The following ADAM20 variants were observed in gnomAD, a reference collection of about 807,000 sequenced individuals.
ADAM20 encodes disintegrin and metalloproteinase domain-containing protein 20.
For synonymous variants in ADAM20, 305 were observed against 310.2 expected (o/e 0.98, Z 0.18); for missense variants, 871 against 883.2 (o/e 0.99, Z 0.18).
chr14:70,524,994 CA>C, intron 1 of ADAM20, 61 bp from the exon 2 acceptor site: 1 of 1,376,284 alleles, frequency 7.3e-7, no homozygotes, highest in Non-Finnish European at 9.9e-7. Flanking sequence ...AGAAAAAAGG[CA>C]AAGTGATTCC....
the ADAM20 span, among the ~76,000 whole-genome samples, chr14:70,569,315 AAAC>A: frequency 6.6e-6 from 1 of 152,228 alleles, no homozygotes; most frequent in African/African-American, 2.4e-5. Flanking sequence ...TGCTACCATA[AAAC>A]AACACATAAG....
Position 70,522,580 on chromosome 14 carries a change from T to C in ADAM20, c.2178A>G (p.Gly726=), listed in dbSNP as rs767490191. 9.4e-6 allele frequency: 15 copies of C among 1,593,358 alleles called. No homozygotes were observed. Among genetic ancestry groups the C allele is most frequent in the Non-Finnish European group, 1.3e-5 (15 of 1,170,336 alleles). ...CTCCTTCTTTTTCCCATTTCTCTTATCCTTCTTCATCTTCTTTACTTTTTG... is the reference window on the plus strand; with the variant it reads ...CTCCTTCTTTTTCCCATTTCTCTTACCCTTCTTCATCTTCTTTACTTTTTG... ...KRTKSKEDEE[G] The change falls in exon 2 of 2, where the codon GGA becomes GGG. Residue 726 remains glycine, a synonymous_variant. Coordinates refer to ENST00000256389, the MANE Select transcript of ADAM20 (RefSeq NM_003814.5).
the ADAM20 span, among the ~76,000 whole-genome samples, chr14:70,553,848 T>C: frequency 6.6e-6 from 1 of 151,866 alleles, no homozygotes; most frequent in South Asian, 2.1e-4. Context: ...GGGGAAAAAC[T>C]GAAAGCCTTT....
the ADAM20 span, among the ~76,000 whole-genome samples, chr14:70,562,441 T>C: frequency 6.6e-6 from 1 of 152,186 alleles, no homozygotes; most frequent in Non-Finnish European, 1.5e-5. Context: ...AATGCTGAAA[T>C]GAGTTAAAGC....
Position 70,524,782 on chromosome 14 carries a change from T to C in ADAM20, c.-25A>G, listed in dbSNP as rs1268292940. ...TTATGAAGCTGTCATTATGGAGCCA[T>C]CTGTCTAGAGCAGAAGAGAACAAGG... On this transcript the variant is annotated 5_prime_UTR_variant, in exon 2 of 2. It removes an upstream start codon present in the reference 5' UTR. Coordinates refer to ENST00000256389, the MANE Select transcript of ADAM20 (RefSeq NM_003814.5). 1 of 1,613,738 alleles carries C rather than the reference T, an allele frequency of 6.2e-7. No individual in the cohort carries two copies. Among genetic ancestry groups the C allele is most frequent in the African/African-American group, 1.3e-5 (1 of 75,008 alleles).
chr14:70,559,335 C>G, the ADAM20 span, among the ~76,000 whole-genome samples: 16,436 of 150,384 alleles, frequency 0.11, 1,332 homozygotes, highest in East Asian at 0.49. Flanking sequence ...TCATACCACA[C>G]AACCGATCTG....
At chr14:70,526,526 T>G (rs1276071353) in intron 1 of ADAM20, among the ~76,000 whole-genome samples, 6 of 152,102 alleles carry the variant, frequency 3.9e-5, no homozygotes. Flanking sequence ...TGGAAATGGG[T>G]GAATTGAGAG....
chr14:70,571,303 T>C, the ADAM20 span, among the ~76,000 whole-genome samples: 2 of 152,318 alleles, frequency 1.3e-5, no homozygotes, highest in Admixed American at 6.5e-5. Flanking sequence ...TAGGAGGTAA[T>C]TGAATCATGG....
At chr14:70,558,718 G>T in the ADAM20 span, among the ~76,000 whole-genome samples, 3 of 152,078 alleles carry the variant, frequency 2.0e-5, no homozygotes, top group Non-Finnish European at 4.4e-5. Flanking sequence ...AAAGTGGGGA[G>T]GCAGAATACA....
At chr14:70,543,390 T>C in the ADAM20 span, among the ~76,000 whole-genome samples, 1 of 152,238 alleles carries the variant, frequency 6.6e-6, no homozygotes, top group Non-Finnish European at 1.5e-5. Flanking sequence ...ATTATCCTCA[T>C]AGCAGGAATA....
At chr14:70,558,553 T>A in the ADAM20 span, among the ~76,000 whole-genome samples, 1 of 152,086 alleles carries the variant, frequency 6.6e-6, no homozygotes, top group African/African-American at 2.4e-5. Context: ...CCCTCAGAGT[T>A]GCTCATTGTC....
At chr14:70,558,915 CCTAACA>C in the ADAM20 span, among the ~76,000 whole-genome samples, 2,721 of 152,214 alleles carry the variant, frequency 0.018, 76 homozygotes, top group African/African-American at 0.061. Context: ...CCCTATCTTC[CCTAACA>C]CTAAGTGTTG....
chr14:70,522,713 A>T lies in ADAM20; in HGVS notation c.2045T>A (p.Met682Lys). ...ADSGPPPKNN[M>K]EGLNVMGKLR... ...CTTTCCCATCACATTTAATCCTTCC[A>T]TGTTGTTCTTAGGAGGTGGGCCACT... The change falls in exon 2 of 2, where the codon ATG becomes AAG. Residue 682 changes from methionine (M) to lysine (K), a missense_variant. Transcript: ENST00000256389. 1 of 1,614,022 alleles carries T rather than the reference A, an allele frequency of 6.2e-7. No individual in the cohort carries two copies. The highest frequency in any genetic ancestry group is 8.5e-7 in the Non-Finnish European group (1 of 1,179,924).
rs778786768 is a variant in ADAM20 at position 70,522,403 on chromosome 14, A to G, written c.*174T>C. 3.0e-6 allele frequency: 2 copies of G among 667,312 alleles called. No individual in the cohort carries two copies. The highest frequency in any genetic ancestry group is 3.1e-5 in the Admixed American group (1 of 32,534). 41.3% of individuals were successfully genotyped at this position (667,312 alleles called of 1,614,324 possible). ...AATATTGCTTAAGACACTGTAGAGT[A>G]AGTAAGAATAGGCTAGGAATCCTTT... On this transcript the variant is annotated 3_prime_UTR_variant, in exon 2 of 2. Transcript: ENST00000256389.
chr14:70,540,255 A>G, the ADAM20 span, among the ~76,000 whole-genome samples: 1 of 152,192 alleles, frequency 6.6e-6, no homozygotes, highest in African/African-American at 2.4e-5. Context: ...AAAAATTATA[A>G]CTATTGGATC....
At chr14:70,550,729 A>G in the ADAM20 span, among the ~76,000 whole-genome samples, 5 of 47,638 alleles carry the variant, frequency 1.0e-4, no homozygotes, top group Non-Finnish European at 1.8e-4. Context: ...CCAGAGGTAC[A>G]AGGAGGAACT....
chr14:70,571,015 TCTC>T, the ADAM20 span, among the ~76,000 whole-genome samples: 1 of 152,154 alleles, frequency 6.6e-6, no homozygotes, highest in Non-Finnish European at 1.5e-5. Flanking sequence ...TGTATGATCA[TCTC>T]AACAGACACA....
At chr14:70,560,594 T>C in the ADAM20 span, among the ~76,000 whole-genome samples, 1 of 152,112 alleles carries the variant, frequency 6.6e-6, no homozygotes, top group Non-Finnish European at 1.5e-5. Flanking sequence ...AAATCTCATG[T>C]TGAATTGGAG....
upstream of ADAM20, among the ~76,000 whole-genome samples, chr14:70,536,652 C>T (rs1315386614): frequency 6.6e-6 from 1 of 152,022 alleles, no homozygotes; most frequent in Non-Finnish European, 1.5e-5. Flanking sequence ...ATCCAAAGTG[C>T]ATCAGCCTAA....
Sources: gnomAD v4.1 joint callset for allele counts (sites outside exome capture counted in the v4.1 genomes callset) on GRCh38, gnomAD v4.1.1 for gene constraint, MANE v1.5 for transcripts, NCBI Gene and HGNC (gene_info 2026-07-23, HGNC 2026-07-21) for gene names.